The following FAM53B variants were observed in gnomAD, a reference collection of about 807,000 sequenced individuals.
The protein encoded by FAM53B is family with sequence similarity 53 member B.
FAM53B carries 12 observed loss-of-function variants against 32.7 expected under a neutral mutation model. The ratio of observed to expected loss-of-function variants is 0.37; its 90% CI spans 0.24 to 0.59. The LOEUF (loss-of-function observed/expected upper bound fraction) is 0.59, where lower values mean the gene tolerates loss of function less well. Ranked by LOEUF, FAM53B falls within the 20% of genes least tolerant of loss-of-function variation. FAM53B has a pLI of 0.72. For missense variants in FAM53B, 477 were observed against 577.7 expected (o/e 0.83, Z 1.79); for synonymous variants, 234 against 228.7 (o/e 1.02, Z -0.21).
Position 124,663,426 on chromosome 10 carries a change from G to A in FAM53B, c.906+18181C>T, listed in dbSNP as rs560306794. Among the ~76,000 whole-genome samples the A allele has an allele frequency of 2.4e-3, 359 of 152,338 alleles. 3 individuals are homozygous for A. The highest frequency in any genetic ancestry group is 8.3e-3 in the African/African-American group (345 of 41,568). ...TGGAGCGGCTGCCAAGTAAGGCTCC[G>A]GCCCCACCTCTGCAGAACAGGCCCA... On this transcript the variant is annotated intron_variant, in intron 4 of 4. Transcript: ENST00000337318.
chr10:124,676,895 T>C (rs549829792), intron 4 of FAM53B, among the ~76,000 whole-genome samples: 4 of 152,280 alleles, frequency 2.6e-5, no homozygotes, highest in Non-Finnish European at 5.9e-5. Flanking sequence ...AACACAACAG[T>C]TGCTGCCTGT....
chr10:124,719,377 C>A (rs1459347281), intron 1 of FAM53B, among the ~76,000 whole-genome samples: 2 of 152,158 alleles, frequency 1.3e-5, no homozygotes, highest in East Asian at 3.9e-4. Flanking sequence ...GGAAATGACA[C>A]AGCCAACCAG....
intron 2 of FAM53B, among the ~76,000 whole-genome samples, chr10:124,698,102 C>T (rs1298465037): frequency 1.3e-5 from 2 of 152,310 alleles, no homozygotes; most frequent in African/African-American, 4.8e-5. Context: ...AGAGGGAAGT[C>T]AGGCCAGGGT....
chr10:124,679,614 C>T (rs1036090074), intron 4 of FAM53B, among the ~76,000 whole-genome samples: 1 of 152,254 alleles, frequency 6.6e-6, no homozygotes, highest in Non-Finnish European at 1.5e-5. Flanking sequence ...GGGCTCTGGC[C>T]ATAGGCCTTG....
At chr10:124,623,648 C>T (rs1348167295) in intron 4 of FAM53B, 44 bp from the exon 5 acceptor site, 3 of 1,567,482 alleles carry the variant, frequency 1.9e-6, no homozygotes, top group South Asian at 1.2e-5. Context: ...TTACTCCCCT[C>T]CCGCAGCCCC....
intron 4 of FAM53B, among the ~76,000 whole-genome samples, chr10:124,625,443 C>T (rs962033588): frequency 3.9e-5 from 6 of 152,168 alleles, no homozygotes; most frequent in East Asian, 3.9e-4. Flanking sequence ...TGGTGGGATT[C>T]GATGCAGCCC....
chr10:124,683,673 A>C (rs1262045342), intron 3 of FAM53B, among the ~76,000 whole-genome samples: 1 of 152,202 alleles, frequency 6.6e-6, no homozygotes, highest in African/African-American at 2.4e-5. Flanking sequence ...AACCCAGCTT[A>C]GTCAGGCCCC....
At chr10:124,703,724 C>G (rs1429764722) in intron 2 of FAM53B, 1 of 152,382 alleles carries the variant, frequency 6.6e-6, no homozygotes, top group East Asian at 1.9e-4. Context: ...TGGTTCTGGG[C>G]CCGGACAGGC....
intron 4 of FAM53B, among the ~76,000 whole-genome samples, chr10:124,659,482 C>T (rs1361671677): frequency 1.3e-5 from 2 of 152,206 alleles, no homozygotes; most frequent in Non-Finnish European, 2.9e-5. Flanking sequence ...CCCAAAGATG[C>T]TCCAGCCCAC....
intron 1 of FAM53B, among the ~76,000 whole-genome samples, chr10:124,727,328 T>A (rs1950111181): frequency 1.2e-4 from 1 of 8,150 alleles, no homozygotes; most frequent in South Asian, 7.6e-3. Context: ...CCTGAGTGAT[T>A]GTGGGGGGGG....
In FAM53B at chr10:124,681,667, C is replaced by T. The variant is rs1274826815; in HGVS notation, c.846G>A (p.Arg282=). 1.9e-6 allele frequency: 3 copies of T among 1,612,578 alleles called. No homozygotes were observed. The highest frequency in any genetic ancestry group is 2.5e-6 in the Non-Finnish European group (3 of 1,179,360). ...GCTCTTGCACTTCTTCAGGGCGCCG[C>T]CTTTTAACACCGACCTTCTTGTCGT... ...VLNDKKVGVK[R]RRPEEVQEQR... is the part of the protein sequence containing the mutation. Residue 282 remains arginine, a synonymous_variant, in exon 4 of 5, where the codon AGG becomes AGA. Coordinates refer to ENST00000337318, the MANE Select transcript of FAM53B (RefSeq NM_014661.4).
intron 4 of FAM53B, among the ~76,000 whole-genome samples, chr10:124,641,793 C>A (rs769764316): frequency 2.0e-5 from 3 of 152,168 alleles, no homozygotes; most frequent in African/African-American, 7.2e-5. Flanking sequence ...CTTATTAAGA[C>A]GGCAAGCACT....
chr10:124,688,455 C>T (rs926285385), intron 3 of FAM53B, among the ~76,000 whole-genome samples: 2 of 152,202 alleles, frequency 1.3e-5, no homozygotes, highest in Non-Finnish European at 2.9e-5. Flanking sequence ...CGTAAACACA[C>T]AAGAGCCTTT....
chr10:124,742,268 G>A (rs540688905), intron 1 of FAM53B, among the ~76,000 whole-genome samples: 3 of 152,300 alleles, frequency 2.0e-5, no homozygotes, highest in Non-Finnish European at 2.9e-5. Context: ...ACTATCAACT[G>A]GGACAAGTAG....
At chr10:124,635,155 T>C (rs1408233685) in intron 4 of FAM53B, among the ~76,000 whole-genome samples, 1 of 152,176 alleles carries the variant, frequency 6.6e-6, no homozygotes, top group Non-Finnish European at 1.5e-5. Context: ...TGCAGTGGCA[T>C]GATCTCGGCT....
At chr10:124,696,279 G>C in intron 2 of FAM53B, 67 bp from the exon 3 acceptor site, 1 of 1,319,684 alleles carries the variant, frequency 7.6e-7, no homozygotes, top group Non-Finnish European at 1.1e-6. Flanking sequence ...TGACTCTACT[G>C]ATCCCTTCTA....
chr10:124,710,052 A>G (rs915891100), intron 1 of FAM53B, among the ~76,000 whole-genome samples: 4 of 152,224 alleles, frequency 2.6e-5, no homozygotes, highest in Admixed American at 1.3e-4. Context: ...GGAAGGGTGT[A>G]AGCAAGGCGT....
chr10:124,726,363 C>A (rs191038066), intron 1 of FAM53B, among the ~76,000 whole-genome samples: 1 of 152,310 alleles, frequency 6.6e-6, no homozygotes, highest in Admixed American at 6.5e-5. Context: ...GGAGCTCCAA[C>A]AGTCCCTAGA....
At chr10:124,643,629 C>G (rs979699418) in intron 4 of FAM53B, among the ~76,000 whole-genome samples, 4 of 152,246 alleles carry the variant, frequency 2.6e-5, no homozygotes, top group African/African-American at 9.6e-5. Context: ...TTCATTCCTA[C>G]AGCTACATTG....
Sources: gnomAD v4.1 joint callset for allele counts (sites outside exome capture counted in the v4.1 genomes callset) on GRCh38, gnomAD v4.1.1 for gene constraint, MANE v1.5 for transcripts, NCBI Gene and HGNC (gene_info 2026-07-23, HGNC 2026-07-21) for gene names.